Variants in ARHGAP29 observed in about 807,000 individuals in gnomAD.
The protein encoded by ARHGAP29 is rho GTPase-activating protein 29.
In ARHGAP29, 43 loss-of-function variants were observed where a neutral mutation model predicts 122.6. That is an observed-to-expected ratio of 0.35 (90% confidence interval 0.27 to 0.45). ARHGAP29 has a LOEUF of 0.45. ARHGAP29 is among the 20% of genes least tolerant of loss of function. The probability of loss-of-function intolerance (pLI) is 1.00; values close to 1 mark genes in which losing one functional copy is unlikely to be tolerated. For missense variants in ARHGAP29, 1,303 were observed against 1,477.2 expected, an observed-to-expected ratio of 0.88 and a Z score of 1.93; for synonymous variants, 506 against 497.1, an observed-to-expected ratio of 1.02 and a Z score of -0.24.
intron 12 of ARHGAP29, among the ~76,000 whole-genome samples, chr1:94,200,418 C>T (rs1447912188): frequency 6.6e-6 from 1 of 152,130 alleles, no homozygotes; most frequent in African/African-American, 2.4e-5. Flanking sequence ...GGACACAGAA[C>T]AACCAAAACT....
chr1:94,184,977 T>C lies in ARHGAP29; in HGVS notation c.2004A>G (p.Leu668=), dbSNP rs1649707155. Residue 668 remains leucine, a synonymous_variant, in exon 18 of 23, where the codon TTA becomes TTG. Transcript: ENST00000260526. ...GHQKLPGKIH[L]FGAEFTQVAK... ...CAACTTGTGTGAATTCTGCTCCAAA[T>C]AAGTGTATTTTTCCTGGAAGTTTCT... The C allele has an allele frequency of 6.2e-7, 1 of 1,613,608 alleles. No individual in the cohort carries two copies. The highest frequency in any genetic ancestry group is 1.3e-5 in the African/African-American group (1 of 75,006).
At chr1:94,185,257 A>G (rs916977692) in intron 17 of ARHGAP29, 85 bp downstream of exon 17, 5 of 1,416,190 alleles carry the variant, frequency 3.5e-6, no homozygotes, top group Admixed American at 2.6e-5. Flanking sequence ...TATATTTGCA[A>G]AAGATCCTAA....
intron 19 of ARHGAP29, among the ~76,000 whole-genome samples, chr1:94,182,860 C>T (rs1204356217): frequency 7.0e-6 from 1 of 142,390 alleles, no homozygotes; most frequent in Admixed American, 7.0e-5. Flanking sequence ...ACAGGGAAGA[C>T]ATGACAGGCA....
intron 2 of ARHGAP29, among the ~76,000 whole-genome samples, chr1:94,228,021 G>A (rs1385368109): frequency 6.6e-6 from 1 of 151,722 alleles, no homozygotes; most frequent in Non-Finnish European, 1.5e-5. Flanking sequence ...AGGTTAAGTA[G>A]TGGAAAGAGA....
chr1:94,173,785 CCTGTCA>C lies in ARHGAP29; in HGVS notation c.*78_*83del. 1.3e-6 allele frequency: 2 copies of C among 1,484,414 alleles called. No individual in the cohort carries two copies. Among genetic ancestry groups the C allele is most frequent in the Non-Finnish European group, 1.8e-6 (2 of 1,112,206 alleles). The allele number at this position is 1,484,414 out of a possible 1,614,324, so 92.0% of individuals were successfully genotyped here. On this transcript the variant is annotated 3_prime_UTR_variant, in exon 23 of 23. Transcript: ENST00000260526. ...TTTGGCAGTCCTATACAAAAGAGGC[CCTGTCA>C]AAACATTCTTTCACAAAACAAGCAC... is the stretch of plus-strand genomic sequence containing the variant.
rs1007243257 is a variant in ARHGAP29, at chr1:94,173,622, C to T, written c.*247G>A. On this transcript the variant is annotated 3_prime_UTR_variant, in exon 23 of 23. Coordinates refer to ENST00000260526, the MANE Select transcript of ARHGAP29 (RefSeq NM_004815.4). ...CTGAACTTTAAAAAATACGAATCCA[C>T]CTATCTTATTCACAACTTTAAAAAT... 8 of 403,892 alleles carry T rather than the reference C, an allele frequency of 2.0e-5. No individual in the cohort carries two copies. The highest frequency in any genetic ancestry group is 3.5e-5 in the Non-Finnish European group (8 of 228,968). The allele number at this position is 403,892 out of a possible 1,614,324, so 25.0% of individuals were successfully genotyped here. A position where few individuals can be genotyped will look rare whatever the true frequency, so the allele number is the denominator to read the frequency against.
upstream of ARHGAP29, among the ~76,000 whole-genome samples, chr1:94,239,167 T>C (rs572190487): frequency 1.3e-5 from 2 of 152,276 alleles, no homozygotes; most frequent in East Asian, 3.9e-4. Flanking sequence ...AAGCCAATGA[T>C]GCCTGAACTG....
At chr1:94,287,107 C>G in the ARHGAP29 span, among the ~76,000 whole-genome samples, 264 of 152,288 alleles carry the variant, frequency 1.7e-3, 2 homozygotes, top group African/African-American at 6.2e-3. Context: ...TTCCACTACC[C>G]TCTTTGAGTT....
chr1:94,253,751 A>C (rs573761995), intron 1 of ARHGAP29, among the ~76,000 whole-genome samples: 1 of 152,250 alleles, frequency 6.6e-6, no homozygotes, highest in South Asian at 2.1e-4. Flanking sequence ...AAACATTACT[A>C]ATATTTCTTT....
chr1:94,180,031 C>G (rs1649357308), intron 19 of ARHGAP29, 74 bp from the exon 20 acceptor site: 1 of 1,005,280 alleles, frequency 9.9e-7, no homozygotes, highest in Non-Finnish European at 1.4e-6. Flanking sequence ...CTAACAGTTA[C>G]AGAGTGATTT....
intron 22 of ARHGAP29, 93 bp from the exon 23 acceptor site, chr1:94,174,842 G>A (rs1648992363): frequency 2.2e-6 from 3 of 1,345,648 alleles, no homozygotes; most frequent in South Asian, 1.4e-5. Context: ...AAGACAATAT[G>A]AGTCTTACAT....
intron 12 of ARHGAP29, among the ~76,000 whole-genome samples, chr1:94,197,125 C>T (rs1650526354): frequency 6.6e-6 from 1 of 151,712 alleles, no homozygotes; most frequent in Non-Finnish European, 1.5e-5. Flanking sequence ...GCCAGACTGA[C>T]CAATGAGAGA....
rs753618491 is a variant in ARHGAP29 at position 94,203,125 on chromosome 1, G to A, written c.848C>T (p.Ala283Val). The A allele has an allele frequency of 6.2e-7, 1 of 1,613,060 alleles. No homozygotes were observed. The change falls in exon 9 of 23, where the codon GCT (alanine) becomes GTT (valine). Residue 283 changes from alanine to valine, a missense_variant. Ala to Val is a moderately conservative substitution (Grantham distance 64). This residue lies in a region of ARHGAP29 where 592 missense variants were observed against 648.2 expected (regional missense o/e 0.91). Transcript: ENST00000260526. ...SSHLLQQTIA[A>V]LQANKFVQPL... is the part of the protein sequence containing the mutation. ...CTGCACAAATTTGTTAGCCTGGAGA[G>A]CTGCAATTGTTTGTTGTAAAAGGTG... is the stretch of plus-strand genomic sequence containing the variant.
intron 1 of ARHGAP29, chr1:94,247,889 C>G: frequency 6.1e-6 from 1 of 165,266 alleles, no homozygotes; most frequent in Non-Finnish European, 1.3e-5. Context: ...CGGTCAGCTG[C>G]GCCCGGCCTG....
chr1:94,213,394 G>A (rs1350765876), intron 3 of ARHGAP29, among the ~76,000 whole-genome samples: 1 of 152,158 alleles, frequency 6.6e-6, no homozygotes, highest in Non-Finnish European at 1.5e-5. Context: ...GTGTTAGCAA[G>A]GATGGTCTTG....
At chr1:94,183,116 C>T (rs1044678367) in intron 19 of ARHGAP29, among the ~76,000 whole-genome samples, 1 of 152,042 alleles carries the variant, frequency 6.6e-6, no homozygotes, top group Admixed American at 6.6e-5. Flanking sequence ...GGCTAATTAC[C>T]CTGATCTGAT....
intron 3 of ARHGAP29, among the ~76,000 whole-genome samples, chr1:94,215,169 A>G (rs954016930): frequency 6.6e-6 from 1 of 151,554 alleles, no homozygotes; most frequent in Non-Finnish European, 1.5e-5. Context: ...TACAAGACCT[A>G]CCTAATGAAA....
upstream of ARHGAP29, among the ~76,000 whole-genome samples, chr1:94,276,777 T>C (rs1204660622): frequency 1.3e-4 from 11 of 83,046 alleles, no homozygotes; most frequent in African/African-American, 1.1e-4. Flanking sequence ...TGAGACCCTG[T>C]CTCAAAAAAA....
At chr1:94,211,813 G>T (rs1651639177) in intron 3 of ARHGAP29, among the ~76,000 whole-genome samples, 1 of 152,044 alleles carries the variant, frequency 6.6e-6, no homozygotes, top group Non-Finnish European at 1.5e-5. Context: ...GTGCATGTTT[G>T]TTACATACAT....
Sources: allele counts gnomAD v4.1 joint callset (sites outside exome capture counted in the v4.1 genomes callset), GRCh38; gene constraint gnomAD v4.1.1; regional missense constraint gnomAD v4.1.1; transcripts MANE v1.5; gene names NCBI Gene and HGNC (gene_info 2026-07-23, HGNC 2026-07-21).